The following SYT17 variants were observed in gnomAD, a reference collection of about 807,000 sequenced individuals.
The protein encoded by SYT17 is synaptotagmin-17.
SYT17 carries 22 observed loss-of-function variants against 46.7 expected under a neutral mutation model. The observed-to-expected ratio is 0.47, with a 90% CI of 0.34 to 0.67. The LOEUF is 0.67. SYT17 is among the 30% of genes least tolerant of loss of function. The pLI, the probability that SYT17 is intolerant of heterozygous loss-of-function variation, is 0.01. For synonymous variants in SYT17, 251 were observed against 248.4 expected, an observed-to-expected ratio of 1.01 and a Z score of -0.10; for missense variants, 519 against 612.8, an observed-to-expected ratio of 0.85 and a Z score of 1.62.
chr16:19,201,917 A>C (rs1441347537), intron 5 of SYT17, among the ~76,000 whole-genome samples: 9 of 152,172 alleles, frequency 5.9e-5, no homozygotes, highest in Admixed American at 5.2e-4. Flanking sequence ...CTCAATTTTC[A>C]GGGGGAAAAG....
chr16:19,251,238 A>G (rs1968043194), intron 7 of SYT17, among the ~76,000 whole-genome samples: 1 of 152,112 alleles, frequency 6.6e-6, no homozygotes, highest in South Asian at 2.1e-4. Flanking sequence ...GGTCATCAGG[A>G]CCCGAATTCA....
chr16:19,170,257 C>T (rs1964029464), intron 1 of SYT17: 1 of 151,586 alleles, frequency 6.6e-6, no homozygotes, highest in South Asian at 2.1e-4. Flanking sequence ...TATTTGCAGG[C>T]ACCAAAATTT....
chr16:19,244,103 G>A (rs901723551), intron 7 of SYT17, among the ~76,000 whole-genome samples: 3 of 152,076 alleles, frequency 2.0e-5, no homozygotes, highest in Admixed American at 6.6e-5. Flanking sequence ...AATCCTCCAC[G>A]TGCTGTCCCA....
chr16:19,196,478 T>C (rs751795273), intron 5 of SYT17, among the ~76,000 whole-genome samples: 2 of 151,988 alleles, frequency 1.3e-5, no homozygotes, highest in Non-Finnish European at 2.9e-5. Context: ...CCTGACCTCA[T>C]GTGATCCACC....
intron 7 of SYT17, among the ~76,000 whole-genome samples, chr16:19,233,399 C>G (rs1334610943): frequency 1.3e-5 from 2 of 151,998 alleles, no homozygotes; most frequent in Non-Finnish European, 2.9e-5. Flanking sequence ...CATGTATAAT[C>G]CCAGTACTTT....
At chr16:19,178,708 A>C (rs1405791869) in intron 3 of SYT17, among the ~76,000 whole-genome samples, 1 of 152,158 alleles carries the variant, frequency 6.6e-6, no homozygotes, top group East Asian at 1.9e-4. Flanking sequence ...CATAGGCTTT[A>C]ATGTCAAGTT....
intron 1 of SYT17, chr16:19,172,546 G>GCTA: frequency 6.7e-7 from 1 of 1,502,460 alleles, no homozygotes; most frequent in South Asian, 1.3e-5. Flanking sequence ...TAACCAGGAG[G>GCTA]CTACCAGCAG....
intron 5 of SYT17, among the ~76,000 whole-genome samples, chr16:19,200,094 G>A (rs1015056693): frequency 1.4e-4 from 22 of 152,214 alleles, no homozygotes; most frequent in African/African-American, 5.1e-4. Context: ...AGAGAGGGTG[G>A]TATTGAAAGG....
At chr16:19,178,287 G>C (rs79459552) in intron 3 of SYT17, among the ~76,000 whole-genome samples, 1 of 151,552 alleles carries the variant, frequency 6.6e-6, no homozygotes, top group Non-Finnish European at 1.5e-5. Flanking sequence ...GGGTTTCACC[G>C]TGTTAGCTAG....
chr16:19,184,535 G>A (rs1279265839), intron 5 of SYT17, among the ~76,000 whole-genome samples: 3 of 150,090 alleles, frequency 2.0e-5, no homozygotes, highest in Admixed American at 6.7e-5. Flanking sequence ...ATAGGCGCCC[G>A]CCACCACGCC....
chr16:19,180,370 A>T, intron 3 of SYT17, 21 bp from the exon 4 acceptor site: 1 of 1,613,618 alleles, frequency 6.2e-7, no homozygotes, highest in South Asian at 1.1e-5. Context: ...ACAGCTACTG[A>T]GACCTCTTCC....
rs780470297 is a variant in SYT17, at chr16:19,168,708, C to G, written c.15+47C>G. On this transcript the variant is annotated intron_variant, in intron 1 of 7. Coordinates refer to ENST00000355377, the MANE Select transcript of SYT17 (RefSeq NM_016524.4). This position sits in a 1 kb window ranked among gnomAD's most constrained non-coding sequence, Gnocchi z 6.9. The stretch of plus-strand genomic sequence containing the variant: ...AGGTCCGGGGTGCGGGTAGGGGGTG[C>G]CGCGCCCCCTCCGGCTGGGAGCGCG... 2 of 1,437,872 alleles carry G rather than the reference C, an allele frequency of 1.4e-6. No individual in the cohort carries two copies. The highest frequency in any genetic ancestry group is 3.0e-5 in the African/African-American group (2 of 66,674). 89.1% of individuals were successfully genotyped at this position (1,437,872 alleles called of 1,614,324 possible).
At chr16:19,241,640 T>A (rs1398093207) in intron 7 of SYT17, among the ~76,000 whole-genome samples, 1 of 152,116 alleles carries the variant, frequency 6.6e-6, no homozygotes, top group Non-Finnish European at 1.5e-5. Context: ...CCCAGTCCCA[T>A]TGCAGTGGCC....
At chr16:19,220,303 C>CTTTTTTTTTTTTTTTTTTTTTTTTTTT (rs1555459738) in intron 5 of SYT17, among the ~76,000 whole-genome samples, 1 of 80,514 alleles carries the variant, frequency 1.2e-5, no homozygotes, top group Admixed American at 1.7e-4. Flanking sequence ...TTCTTTCTTT[C>CTTTTTTTTTTTTTTTTTTTTTTTTTTT]TTTTTTTTTT....
At chr16:19,186,319 A>T (rs1964787594) in intron 5 of SYT17, among the ~76,000 whole-genome samples, 1 of 123,264 alleles carries the variant, frequency 8.1e-6, no homozygotes, top group Non-Finnish European at 1.7e-5. Context: ...TCTACAAAAC[A>T]TTAAAAAAAA....
chr16:19,228,216 C>A (rs1016455298), intron 7 of SYT17, among the ~76,000 whole-genome samples: 1 of 152,136 alleles, frequency 6.6e-6, no homozygotes, highest in Non-Finnish European at 1.5e-5. Context: ...CCACACCACA[C>A]CCCCTCTCCA....
intron 5 of SYT17, among the ~76,000 whole-genome samples, chr16:19,199,328 T>C (rs1965373234): frequency 2.6e-5 from 4 of 152,214 alleles, no homozygotes. Context: ...AATGAGTGAC[T>C]CACCTAAAGT....
At chr16:19,246,622 C>T (rs952331783) in intron 7 of SYT17, among the ~76,000 whole-genome samples, 4 of 151,998 alleles carry the variant, frequency 2.6e-5, no homozygotes, top group East Asian at 1.9e-4. Flanking sequence ...GGTATGTATA[C>T]GTATGTGTGT....
intron 7 of SYT17, among the ~76,000 whole-genome samples, chr16:19,232,340 C>G (rs756188485): frequency 9.9e-5 from 15 of 152,138 alleles, no homozygotes; most frequent in Admixed American, 2.6e-4. Context: ...CATGCATCTG[C>G]GTCGCCCAGG....
Sources: allele counts gnomAD v4.1 joint callset (sites outside exome capture counted in the v4.1 genomes callset), GRCh38; gene constraint gnomAD v4.1.1; non-coding constraint Gnocchi (gnomAD v3.1); transcripts MANE v1.5; gene names NCBI Gene and HGNC (gene_info 2026-07-23, HGNC 2026-07-21).